The following C8orf34 variants were observed in gnomAD, a reference collection of about 807,000 sequenced individuals.
C8orf34 encodes uncharacterized protein C8orf34.
In C8orf34, 65 loss-of-function variants were observed where a neutral mutation model predicts 68.3. The ratio of observed to expected loss-of-function variants is 0.95; its 90% CI spans 0.78 to 1.17. The LOEUF (loss-of-function observed/expected upper bound fraction) is 1.17. Ranked by LOEUF, C8orf34 falls within the 50% of genes most tolerant of loss-of-function variation. C8orf34 has a pLI of 0.00. For synonymous variants in C8orf34, 244 were observed against 241.2 expected (o/e 1.01, Z -0.11); for missense variants, 664 against 655.4 (o/e 1.01, Z -0.14).
chr8:68,503,944 C>T (rs1290593891), intron 5 of C8orf34, among the ~76,000 whole-genome samples: 1 of 152,030 alleles, frequency 6.6e-6, no homozygotes, highest in Non-Finnish European at 1.5e-5. Context: ...ATTCACATAT[C>T]ATAAAATACA....
chr8:68,606,683 G>A (rs1817864376), intron 7 of C8orf34, among the ~76,000 whole-genome samples: 1 of 151,910 alleles, frequency 6.6e-6, no homozygotes, highest in African/African-American at 2.4e-5. Context: ...CTATTTTTTG[G>A]GAAAATGCTG....
At chr8:68,774,594 AT>A (rs1823452670) in intron 10 of C8orf34, among the ~76,000 whole-genome samples, 1 of 152,110 alleles carries the variant, frequency 6.6e-6, no homozygotes, top group African/African-American at 2.4e-5. Flanking sequence ...TGGAAATATG[AT>A]TTAGGAAGAA....
Position 68,595,924 on chromosome 8 carries a change from C to T in C8orf34, c.1106-44452C>T, listed in dbSNP as rs368222401. On this transcript the variant is annotated intron_variant, in intron 7 of 13. Transcript: ENST00000518698. ...ATAATGCCTGTTTTGTTTTCTTATC[C>T]AATATCTTCAAGTGGTCTTTTTTCT... Among the ~76,000 whole-genome samples the T allele has an allele frequency of 2.1e-3, 315 of 151,860 alleles. 1 individual carries two copies. Among genetic ancestry groups the T allele is most frequent in the African/African-American group, 7.4e-3 (308 of 41,426 alleles).
intron 10 of C8orf34, among the ~76,000 whole-genome samples, chr8:68,734,243 T>G (rs1365893805): frequency 1.3e-5 from 2 of 152,120 alleles, no homozygotes; most frequent in Non-Finnish European, 2.9e-5. Flanking sequence ...GTAGGGTCTG[T>G]TGTTCCAGGA....
chr8:68,627,321 GACA>G (rs1055140699), intron 7 of C8orf34, among the ~76,000 whole-genome samples: 1 of 152,026 alleles, frequency 6.6e-6, no homozygotes, highest in African/African-American at 2.4e-5. Context: ...TGGTCCCTGA[GACA>G]ACAACTCCTC....
rs571910219 is a variant in C8orf34, at chr8:68,717,397, G to T, written c.1328-3964G>T. Among the ~76,000 whole-genome samples, 386 of 151,996 alleles carry T rather than the reference G, an allele frequency of 2.5e-3. 1 individual carries two copies. Among genetic ancestry groups the T allele is most frequent in the African/African-American group, 9.0e-3 (373 of 41,472 alleles). ...AGTCCCAGCTACTCGGGAGGCTGAG[G>T]CAGGAGAATGGCATGAACCCGGAAG... On this transcript the variant is annotated intron_variant, in intron 9 of 13. Coordinates refer to ENST00000518698, the MANE Select transcript of C8orf34 (RefSeq NM_052958.4).
At chr8:68,547,845 A>G (rs1815936737) in intron 7 of C8orf34, among the ~76,000 whole-genome samples, 1 of 151,806 alleles carries the variant, frequency 6.6e-6, no homozygotes, top group Admixed American at 6.6e-5. Flanking sequence ...TATTGACATA[A>G]GGCTAGAATA....
At chr8:68,349,830 T>G (rs182591604) in intron 1 of C8orf34, among the ~76,000 whole-genome samples, 1 of 151,852 alleles carries the variant, frequency 6.6e-6, no homozygotes, top group East Asian at 1.9e-4. Flanking sequence ...TTTCTTATTA[T>G]GTTTGTTTGG....
At chr8:68,794,175 T>A (rs1303930392) in intron 12 of C8orf34, among the ~76,000 whole-genome samples, 11 of 151,780 alleles carry the variant, frequency 7.2e-5, no homozygotes, top group Non-Finnish European at 1.3e-4. Context: ...TTTTTAAAAA[T>A]TTCTTTGAGA....
intron 5 of C8orf34, among the ~76,000 whole-genome samples, chr8:68,491,363 TTTA>T (rs1182347397): frequency 6.6e-6 from 1 of 152,126 alleles, no homozygotes; most frequent in African/African-American, 2.4e-5. Flanking sequence ...GCAACACAAA[TTTA>T]TTATCTTACA....
chr8:68,683,812 C>A (rs1820436239), intron 8 of C8orf34, among the ~76,000 whole-genome samples: 1 of 151,960 alleles, frequency 6.6e-6, no homozygotes, highest in South Asian at 2.1e-4. Context: ...ACATTCAAAT[C>A]AGAAAAATAG....
At chr8:68,574,286 A>C (rs1816840703) in intron 7 of C8orf34, among the ~76,000 whole-genome samples, 1 of 152,066 alleles carries the variant, frequency 6.6e-6, no homozygotes, top group Non-Finnish European at 1.5e-5. Flanking sequence ...TGTGAGTATT[A>C]TGATACTACA....
chr8:68,728,824 A>G (rs1462390631), intron 10 of C8orf34, among the ~76,000 whole-genome samples: 1 of 152,212 alleles, frequency 6.6e-6, no homozygotes, highest in African/African-American at 2.4e-5. Context: ...GTTGATTAGT[A>G]TATGCAACAT....
chr8:68,402,189 G>A (rs1808988375), intron 1 of C8orf34, among the ~76,000 whole-genome samples: 1 of 152,020 alleles, frequency 6.6e-6, no homozygotes, highest in African/African-American at 2.4e-5. Context: ...TAATTTGTGA[G>A]CATATAGTTG....
rs920742991 is a variant in C8orf34 at position 68,563,148 on chromosome 8, A to C, written c.1105+29999A>C. ...ACATCCTTGATACTTTCAGTAATTA[A>C]CAAAGTTTCAGAGAAATTGCTTAAC... On this transcript the variant is annotated intron_variant, in intron 7 of 13. Transcript: ENST00000518698. Among the ~76,000 whole-genome samples the C allele has an allele frequency of 1.3e-5, 2 of 152,178 alleles. 1 individual carries two copies. Among genetic ancestry groups the C allele is most frequent in the Non-Finnish European group, 2.9e-5 (2 of 68,016 alleles).
intron 7 of C8orf34, among the ~76,000 whole-genome samples, chr8:68,613,406 T>G (rs888275341): frequency 6.6e-6 from 1 of 152,020 alleles, no homozygotes; most frequent in African/African-American, 2.4e-5. Flanking sequence ...ACTCGTCATT[T>G]AGCATTAGGT....
intron 5 of C8orf34, among the ~76,000 whole-genome samples, chr8:68,521,246 G>A (rs548896820): frequency 1.3e-5 from 2 of 152,166 alleles, no homozygotes; most frequent in African/African-American, 4.8e-5. Flanking sequence ...TATCATATCC[G>A]AGTCCATGAA....
chr8:68,619,737 G>A (rs967999574), intron 7 of C8orf34, among the ~76,000 whole-genome samples: 1 of 152,052 alleles, frequency 6.6e-6, no homozygotes, highest in Non-Finnish European at 1.5e-5. Flanking sequence ...AATTCCACAT[G>A]TTCTCCCTTT....
intron 7 of C8orf34, among the ~76,000 whole-genome samples, chr8:68,558,250 G>T (rs574947256): frequency 2.6e-5 from 4 of 152,264 alleles, no homozygotes; most frequent in African/African-American, 4.8e-5. Flanking sequence ...AAGCTAGCTT[G>T]TGTGAACACC....
Sources: gnomAD v4.1 joint callset for allele counts (sites outside exome capture counted in the v4.1 genomes callset) on GRCh38, gnomAD v4.1.1 for gene constraint, MANE v1.5 for transcripts, NCBI Gene and HGNC (gene_info 2026-07-23, HGNC 2026-07-21) for gene names.